Variants in NID2 observed in about 807,000 individuals in gnomAD.
The protein encoded by NID2 is nidogen 2, also known as nidogen-2.
Under a neutral mutation model 145.4 loss-of-function variants are expected in NID2, and 83 were observed. The observed-to-expected ratio is 0.57, with a 90% confidence interval of 0.48 to 0.69. The LOEUF (loss-of-function observed/expected upper bound fraction) is 0.69, where lower values mean the gene tolerates loss of function less well. NID2 is among the 30% of genes least tolerant of loss of function. The probability of loss-of-function intolerance (pLI) is 0.00; values close to 1 mark genes in which losing one functional copy is unlikely to be tolerated. For synonymous variants in NID2, 739 were observed against 701.3 expected (o/e 1.05, Z -0.85); for missense variants, 1,807 against 1,765.7 (o/e 1.02, Z -0.42).
At chr14:52,052,464 A>G (rs1331819053) in intron 5 of NID2, among the ~76,000 whole-genome samples, 6 of 152,250 alleles carry the variant, frequency 3.9e-5, no homozygotes, top group Non-Finnish European at 7.3e-5. Flanking sequence ...TCAGAGGCTT[A>G]TGGGTTACAT....
chr14:52,046,622 T>G (rs1892506392), intron 5 of NID2, among the ~76,000 whole-genome samples: 1 of 152,204 alleles, frequency 6.6e-6, no homozygotes, highest in Non-Finnish European at 1.5e-5. Flanking sequence ...CAAGTGCAAC[T>G]GTGCAAAGGT....
intron 9 of NID2, among the ~76,000 whole-genome samples, chr14:52,036,836 T>A (rs1358109151): frequency 6.9e-6 from 1 of 145,742 alleles, no homozygotes; most frequent in Non-Finnish European, 1.5e-5. Flanking sequence ...CTTTTGCCCA[T>A]CTTTTAGTTA....
chr14:52,065,651 C>G (rs1228157827), intron 2 of NID2, among the ~76,000 whole-genome samples: 2 of 94,308 alleles, frequency 2.1e-5, no homozygotes, highest in Non-Finnish European at 3.9e-5. Context: ...CTATCCCTCC[C>G]CCCTCCCCCA....
Position 52,042,264 on chromosome 14 carries a change from C to T in NID2, c.1666G>A (p.Ala556Thr), listed in dbSNP as rs145391265. The T allele has an allele frequency of 3.0e-5, 48 of 1,614,088 alleles. 1 individual carries two copies. The highest frequency in any genetic ancestry group is 5.0e-5 in the Admixed American group (3 of 60,012). ...PVHFTDVDLH[A>T]YIVGNDGRAY... is the part of the protein sequence containing the mutation. ...CTGCCATCATTGCCCACGATATACG[C>T]ATGCAGGTCCACATCAGTGAAGTGC... Residue 556 changes from alanine to threonine, a missense_variant, in exon 7 of 22, where the codon GCG (alanine) becomes ACG (threonine). Ala to Thr is a moderately conservative substitution (Grantham distance 58). Transcript: ENST00000216286.
intron 3 of NID2, among the ~76,000 whole-genome samples, chr14:52,055,877 T>C (rs1366939601): frequency 6.6e-6 from 1 of 152,148 alleles, no homozygotes; most frequent in Non-Finnish European, 1.5e-5. Flanking sequence ...ATCATGTTCA[T>C]GTGGATTTCT....
At chr14:52,041,407 A>C (rs572067258) in intron 7 of NID2, among the ~76,000 whole-genome samples, 2 of 152,368 alleles carry the variant, frequency 1.3e-5, no homozygotes, top group Non-Finnish European at 1.5e-5. Context: ...CTCTGCAGTT[A>C]AAGATGGAGA....
rs148114451 is a variant in NID2, at chr14:52,028,738, G to T, written c.2514C>A (p.Asp838Glu). ...GGAACTCACAGATGCAAGTATGCCG[G>T]TCATCTGCAAACTCATAACCACTCC... The part of the protein sequence containing the change: ...ECRSGYEFAD[D>E]RHTCILITPP... Residue 838 changes from aspartate to glutamate, a missense_variant, in exon 11 of 22, where the codon GAC becomes GAA. Transcript: ENST00000216286. 3.2e-5 allele frequency: 52 copies of T among 1,612,162 alleles called. No individual in the cohort carries two copies. In the African/African-American group the frequency reaches 6.7e-4, roughly 21 times the overall value.
chr14:52,068,006 G>C lies in NID2; in HGVS notation c.386C>G (p.Ser129Cys). 1 of 1,612,670 alleles carries C rather than the reference G, an allele frequency of 6.2e-7. No homozygotes were observed. The highest frequency in any genetic ancestry group is 8.5e-7 in the Non-Finnish European group (1 of 1,179,108). Reference protein sequence around the residue: ...RGRVLYREDTSPAVLGLAARY... With the variant: ...RGRVLYREDTCPAVLGLAARY... Reference sequence around the variant, plus strand: ...GGCGGCCAGGCCCAGCACTGCGGGGGAGGTGTCCTCTCGGTACAGGACTCG... The same window carrying C: ...GGCGGCCAGGCCCAGCACTGCGGGGCAGGTGTCCTCTCGGTACAGGACTCG... Residue 129 changes from serine (S) to cysteine (C), a missense_variant, in exon 2 of 22, where the codon TCC becomes TGC. Coordinates refer to ENST00000216286, the MANE Select transcript of NID2 (RefSeq NM_007361.4).
intron 9 of NID2, among the ~76,000 whole-genome samples, chr14:52,035,878 A>ATATATATACATATATATATATT (rs58318209): frequency 1.0e-4 from 14 of 135,202 alleles, no homozygotes; most frequent in African/African-American, 3.4e-4. Context: ...ATATATATAT[A>ATATATATACATATATATATATT]TGTTTTATTT....
chr14:52,033,328 C>G (rs1455697214), intron 9 of NID2, among the ~76,000 whole-genome samples: 1 of 152,098 alleles, frequency 6.6e-6, no homozygotes, highest in African/African-American at 2.4e-5. Context: ...CCTCAACTCG[C>G]CAAAAGGACC....
chr14:52,012,936 G>T (rs935471558), intron 16 of NID2, among the ~76,000 whole-genome samples: 1 of 152,144 alleles, frequency 6.6e-6, no homozygotes, highest in Non-Finnish European at 1.5e-5. Flanking sequence ...CCCTGGGAGC[G>T]TAGTCAGCCA....
In NID2 at chr14:52,068,070, G is replaced by T; in HGVS notation, c.322C>A (p.Pro108Thr). The T allele has an allele frequency of 6.2e-7, 1 of 1,613,838 alleles. No individual in the cohort carries two copies. Among genetic ancestry groups the T allele is most frequent in the Non-Finnish European group, 8.5e-7 (1 of 1,179,960 alleles). ...DFPTDFPAIA[P>T]FLADIDTSHG... ...CTCGTGTCGATGTCCGCCAGAAAAG[G>T]GGCGATGGCCGGGAAGTCGGTGGGG... The change falls in exon 2 of 22, where the codon CCT becomes ACT. Residue 108 changes from proline to threonine, a missense_variant. Coordinates refer to ENST00000216286, the MANE Select transcript of NID2 (RefSeq NM_007361.4).
intron 5 of NID2, among the ~76,000 whole-genome samples, chr14:52,051,621 G>A (rs1024088078): frequency 1.3e-5 from 2 of 152,168 alleles, no homozygotes; most frequent in Non-Finnish European, 2.9e-5. Context: ...AGCCTCCAAT[G>A]TTTTATGTGA....
chr14:52,014,189 TC>T (rs1566743714), intron 16 of NID2, 97 bp downstream of exon 16: 1 of 1,501,310 alleles, frequency 6.7e-7, no homozygotes, highest in Admixed American at 1.7e-5. Context: ...CTCCAGGACT[TC>T]CCTGCACCAG....
At chr14:52,022,647 G>A (rs1282379401) in intron 12 of NID2, among the ~76,000 whole-genome samples, 2 of 152,158 alleles carry the variant, frequency 1.3e-5, no homozygotes, top group Admixed American at 6.5e-5. Flanking sequence ...ATGAGAGGTA[G>A]CTTAATCTCA....
chr14:52,054,904 A>G (rs552684077), intron 3 of NID2, among the ~76,000 whole-genome samples: 2 of 152,382 alleles, frequency 1.3e-5, no homozygotes, highest in South Asian at 2.1e-4. Flanking sequence ...AATCTGCCCC[A>G]TAATCCAAAT....
At chr14:52,048,398 C>T (rs1338799480) in intron 5 of NID2, among the ~76,000 whole-genome samples, 1 of 152,156 alleles carries the variant, frequency 6.6e-6, no homozygotes, top group Non-Finnish European at 1.5e-5. Flanking sequence ...CGTGACTGCT[C>T]AAATTTCTAT....
intron 2 of NID2, among the ~76,000 whole-genome samples, chr14:52,062,149 A>G (rs1893036856): frequency 6.6e-6 from 1 of 152,210 alleles, no homozygotes; most frequent in Non-Finnish European, 1.5e-5. Flanking sequence ...TTTCAAAGTA[A>G]GGTTTTGAGG....
chr14:52,043,306 C>T (rs1428355407), intron 5 of NID2, among the ~76,000 whole-genome samples: 1 of 152,190 alleles, frequency 6.6e-6, no homozygotes, highest in Non-Finnish European at 1.5e-5. Context: ...AACCTAAACA[C>T]ATCCTGAGAG....
Sources: allele counts gnomAD v4.1 joint callset (sites outside exome capture counted in the v4.1 genomes callset), GRCh38; gene constraint gnomAD v4.1.1; transcripts MANE v1.5; gene names NCBI Gene and HGNC (gene_info 2026-07-23, HGNC 2026-07-21).